The following CAMK1D variants were observed in gnomAD, a reference collection of about 807,000 sequenced individuals.
The protein encoded by CAMK1D is calcium/calmodulin dependent protein kinase ID.
A neutral mutation model predicts 47.7 loss-of-function variants in CAMK1D; 9 were observed. The observed-to-expected ratio is 0.19, with a 90% CI of 0.11 to 0.33. The LOEUF (loss-of-function observed/expected upper bound fraction) is 0.33, where lower values mean the gene tolerates loss of function less well. CAMK1D is among the 10% of genes least tolerant of loss of function. CAMK1D has a pLI of 1.00. For missense variants in CAMK1D, 291 were observed against 488.7 expected, an observed-to-expected ratio of 0.60 and a Z score of 3.81; for synonymous variants, 184 against 184.9, an observed-to-expected ratio of 0.99 and a Z score of 0.04.
At chr10:12,635,171 G>A (rs779354193) in intron 2 of CAMK1D, among the ~76,000 whole-genome samples, 3 of 152,184 alleles carry the variant, frequency 2.0e-5, no homozygotes, top group South Asian at 2.1e-4. Context: ...GAGTTTGGGG[G>A]CTCGGGAGGC....
intron 2 of CAMK1D, among the ~76,000 whole-genome samples, chr10:12,644,791 A>G (rs1057411671): frequency 2.0e-5 from 3 of 152,204 alleles, no homozygotes; most frequent in African/African-American, 7.2e-5. Flanking sequence ...TTATTTTTTC[A>G]TAAGCCATTA....
chr10:12,471,346 A>G (rs1004439850), intron 1 of CAMK1D, among the ~76,000 whole-genome samples: 2 of 152,178 alleles, frequency 1.3e-5, no homozygotes, highest in African/African-American at 2.4e-5. Flanking sequence ...ATGAGACCCA[A>G]ATGCTGTCTG....
At chr10:12,384,791 A>G (rs1304060163) in intron 1 of CAMK1D, among the ~76,000 whole-genome samples, 4 of 152,358 alleles carry the variant, frequency 2.6e-5, no homozygotes, top group East Asian at 3.9e-4. Context: ...ACAGGAATAG[A>G]TACATTGTAT....
chr10:12,597,260 C>T (rs879730940), intron 2 of CAMK1D, among the ~76,000 whole-genome samples: 12 of 152,140 alleles, frequency 7.9e-5, no homozygotes, highest in Admixed American at 2.0e-4. Context: ...CAAGGTTGCC[C>T]TCCATGATTG....
At chr10:12,570,037 T>C (rs1422000163) in intron 2 of CAMK1D, among the ~76,000 whole-genome samples, 1 of 151,704 alleles carries the variant, frequency 6.6e-6, no homozygotes, top group Non-Finnish European at 1.5e-5. Context: ...GCATCTCAAC[T>C]AAAAATACAA....
intron 1 of CAMK1D, among the ~76,000 whole-genome samples, chr10:12,533,527 C>T (rs1048330466): frequency 1.3e-5 from 2 of 152,090 alleles, no homozygotes; most frequent in African/African-American, 4.8e-5. Context: ...ACTATTTCTG[C>T]TTTACGGAAA....
intron 3 of CAMK1D, among the ~76,000 whole-genome samples, chr10:12,719,891 G>T (rs1834304503): frequency 6.6e-6 from 1 of 152,244 alleles, no homozygotes; most frequent in Non-Finnish European, 1.5e-5. Flanking sequence ...TTGAGAAGGG[G>T]ACAGTTGCGA....
intron 1 of CAMK1D, among the ~76,000 whole-genome samples, chr10:12,353,416 A>G (rs1837408697): frequency 6.6e-6 from 1 of 152,150 alleles, no homozygotes; most frequent in Admixed American, 6.5e-5. Flanking sequence ...AGACTTTGTA[A>G]TCTGATATCC....
intron 2 of CAMK1D, among the ~76,000 whole-genome samples, chr10:12,600,906 C>T (rs1278932059): frequency 6.6e-6 from 1 of 152,240 alleles, no homozygotes; most frequent in Non-Finnish European, 1.5e-5. Context: ...AGTTATTTCA[C>T]TTAACATAAT....
At chr10:12,501,121 A>G (rs1350898173) in intron 1 of CAMK1D, among the ~76,000 whole-genome samples, 1 of 152,226 alleles carries the variant, frequency 6.6e-6, no homozygotes, top group East Asian at 1.9e-4. Context: ...CATTCTGCTC[A>G]CAAAGCAATG....
chr10:12,350,793 G>A (rs530692601), intron 1 of CAMK1D, among the ~76,000 whole-genome samples: 16 of 152,318 alleles, frequency 1.1e-4, no homozygotes, highest in African/African-American at 3.8e-4. Context: ...GAATGAGTCT[G>A]AAGTTCAAGT....
chr10:12,615,490 G>C (rs1244945530), intron 2 of CAMK1D, among the ~76,000 whole-genome samples: 2 of 147,852 alleles, frequency 1.4e-5, no homozygotes, highest in Non-Finnish European at 3.0e-5. Context: ...GTAGGTGTGT[G>C]CATGTGTACA....
At chr10:12,373,631 CA>C in intron 1 of CAMK1D, among the ~76,000 whole-genome samples, 1 of 151,554 alleles carries the variant, frequency 6.6e-6, no homozygotes. Context: ...GGCTCCATCT[CA>C]AAAAAACAAA....
chr10:12,590,451 C>G (rs1363986002), intron 2 of CAMK1D, among the ~76,000 whole-genome samples: 1 of 152,176 alleles, frequency 6.6e-6, no homozygotes, highest in Non-Finnish European at 1.5e-5. Flanking sequence ...ATCGTGAACT[C>G]CTGGCCTCAA....
At chr10:12,689,200 C>CA (rs1327404984) in intron 3 of CAMK1D, among the ~76,000 whole-genome samples, 1 of 152,214 alleles carries the variant, frequency 6.6e-6, no homozygotes, top group East Asian at 1.9e-4. Context: ...CCTAAGCAAC[C>CA]AGCTTGGGGC....
intron 1 of CAMK1D, among the ~76,000 whole-genome samples, chr10:12,503,506 GC>G (rs778644955): frequency 1.3e-4 from 20 of 152,174 alleles, no homozygotes; most frequent in Non-Finnish European, 2.8e-4. Context: ...AGAGAGGGGG[GC>G]CTGTGAGAGA....
intron 2 of CAMK1D, among the ~76,000 whole-genome samples, chr10:12,620,021 G>A (rs1021286459): frequency 6.6e-6 from 1 of 151,978 alleles, no homozygotes; most frequent in African/African-American, 2.4e-5. Context: ...TGTATCAGTA[G>A]TTGTTCTATT....
chr10:12,718,558 G>A (rs551639655), intron 3 of CAMK1D, among the ~76,000 whole-genome samples: 6 of 152,144 alleles, frequency 3.9e-5, no homozygotes, highest in Admixed American at 6.5e-5. Flanking sequence ...GACTTTTCCC[G>A]AGTAAATTTA....
At chr10:12,407,862 C>CTTTT (rs35451883) in intron 1 of CAMK1D, among the ~76,000 whole-genome samples, 1 of 69,698 alleles carries the variant, frequency 1.4e-5, no homozygotes, top group Non-Finnish European at 3.1e-5. Flanking sequence ...TTTTTTTTTT[C>CTTTT]TTTTTTTTTT....
Sources: gnomAD v4.1 joint callset for allele counts (sites outside exome capture counted in the v4.1 genomes callset) on GRCh38, gnomAD v4.1.1 for gene constraint, MANE v1.5 for transcripts, NCBI Gene and HGNC (gene_info 2026-07-23, HGNC 2026-07-21) for gene names.